The following HRH1 variants were observed in gnomAD, a reference collection of about 807,000 sequenced individuals.
HRH1 encodes the protein histamine receptor H1, also known as histamine H1 receptor.
In HRH1, 6 loss-of-function variants were observed where a neutral mutation model predicts 10.3. That is an observed-to-expected ratio of 0.58 (90% CI 0.32 to 1.15). The LOEUF (loss-of-function observed/expected upper bound fraction) is 1.15, where lower values mean the gene tolerates loss of function less well. Among genes scored for constraint, HRH1 ranks in the 50% most tolerant of loss-of-function variants. The pLI is 0.05. For synonymous variants in HRH1, 242 were observed against 236.7 expected, an observed-to-expected ratio of 1.02 and a Z score of -0.21; for missense variants, 514 against 615.3, an observed-to-expected ratio of 0.84 and a Z score of 1.74.
intron 1 of HRH1, among the ~76,000 whole-genome samples, chr3:11,216,310 C>T (rs1019345439): frequency 6.6e-6 from 1 of 152,128 alleles, no homozygotes; most frequent in African/African-American, 2.4e-5. Flanking sequence ...CTTGAAGAGA[C>T]GTCTATATAC....
At chr3:11,203,812 G>A (rs546897459) in intron 1 of HRH1, among the ~76,000 whole-genome samples, 3 of 152,112 alleles carry the variant, frequency 2.0e-5, no homozygotes, top group Non-Finnish European at 4.4e-5. Flanking sequence ...CCTCAATATT[G>A]TGTTGGTTAT....
At position 11,239,703 on chromosome 3, in the gene HRH1, G is replaced by A. The variant is rs74481780; in HGVS notation, c.-35-19300G>A. On this transcript the variant is annotated intron_variant, in intron 1 of 1. Transcript: ENST00000431010. ...ATTCATCCTTCTGCTGGTAGATCTC[G>A]GTTGTTCCAGCATATGAATTATTGC... Among the ~76,000 whole-genome samples the A allele has an allele frequency of 6.7e-3, 1,022 of 152,020 alleles. 5 individuals are homozygous for A. Among genetic ancestry groups the A allele is most frequent in the East Asian group, 0.038 (195 of 5,164 alleles).
chr3:11,180,005 C>G (rs774466980), intron 1 of HRH1, among the ~76,000 whole-genome samples: 1 of 152,116 alleles, frequency 6.6e-6, no homozygotes, highest in Non-Finnish European at 1.5e-5. Context: ...TCAAGCAATC[C>G]TCCTGCCTTG....
At chr3:11,192,446 G>A (rs1286833007) in intron 1 of HRH1, among the ~76,000 whole-genome samples, 1 of 152,184 alleles carries the variant, frequency 6.6e-6, no homozygotes, top group East Asian at 1.9e-4. Flanking sequence ...ATTCCACAGT[G>A]TAAATACACA....
intron 1 of HRH1, among the ~76,000 whole-genome samples, chr3:11,156,217 C>A (rs1936790182): frequency 6.6e-6 from 1 of 152,140 alleles, no homozygotes; most frequent in African/African-American, 2.4e-5. Flanking sequence ...GCAGGGGATG[C>A]CTGGCATTGT....
chr3:11,177,621 T>A (rs1242346876), intron 1 of HRH1, among the ~76,000 whole-genome samples: 3 of 152,202 alleles, frequency 2.0e-5, no homozygotes, highest in Non-Finnish European at 4.4e-5. Context: ...CCCTGCTAGA[T>A]GCTGAGCTCC....
At chr3:11,197,287 G>T (rs551306415) in intron 1 of HRH1, among the ~76,000 whole-genome samples, 1 of 152,194 alleles carries the variant, frequency 6.6e-6, no homozygotes, top group African/African-American at 2.4e-5. Flanking sequence ...GATTTCTTTC[G>T]ATTTATAATT....
rs189376051 is a variant in HRH1, at chr3:11,259,236, G to A, written c.199G>A (p.Val67Ile). The A allele has an allele frequency of 1.3e-5, 21 of 1,613,656 alleles. No individual in the cohort carries two copies. In the African/African-American group the frequency reaches 1.3e-4, roughly 10 times the overall value. The change falls in exon 2 of 2, where the codon GTC (valine) becomes ATC (isoleucine). Residue 67 changes from valine (V) to isoleucine (I), a missense_variant. Transcript: ENST00000431010. The surrounding 1 kb of genome is among the most constrained non-coding windows in gnomAD (Gnocchi z 4.6). The stretch of plus-strand genomic sequence containing the variant: ...CCACACTGTGGGGAACCTGTACATC[G>A]TCAGCCTCTCGGTGGCGGACTTGAT... The part of the protein sequence containing the change: ...KLHTVGNLYI[V>I]SLSVADLIVG...
upstream of HRH1, among the ~76,000 whole-genome samples, chr3:11,151,953 T>G (rs576492500): frequency 7.2e-5 from 11 of 152,184 alleles, no homozygotes; most frequent in Non-Finnish European, 1.5e-4. Flanking sequence ...TCTCATTGCC[T>G]TCAGTCTCTA....
Position 11,154,917 on chromosome 3 carries a change from C to T in HRH1, c.-36+363C>T, listed in dbSNP as rs1300496511. 1.3e-5 allele frequency among the ~76,000 whole-genome samples: 2 copies of T among 152,222 alleles called. No individual in the cohort carries two copies. The highest frequency in any genetic ancestry group is 2.9e-5 in the Non-Finnish European group (2 of 68,036). On this transcript the variant is annotated intron_variant, in intron 1 of 1. Coordinates refer to ENST00000431010, the MANE Select transcript of HRH1 (RefSeq NM_001098212.2). The surrounding 1 kb of genome is among the most constrained non-coding windows in gnomAD (Gnocchi z 4.4). ...TGAGCCTCCCCAGGGTCTGAGTTCG[C>T]TGCTAACCGTAGTGCCAGCCCATTG...
At chr3:11,179,348 C>T (rs988931476) in intron 1 of HRH1, among the ~76,000 whole-genome samples, 4 of 151,520 alleles carry the variant, frequency 2.6e-5, no homozygotes, top group Non-Finnish European at 4.4e-5. Context: ...GGGCCGGGCG[C>T]GGTGGCTCAC....
At chr3:11,246,113 T>C (rs1939478351) in intron 1 of HRH1, among the ~76,000 whole-genome samples, 1 of 151,214 alleles carries the variant, frequency 6.6e-6, no homozygotes, top group African/African-American at 2.4e-5. Context: ...CAAACACACA[T>C]GCACATACAC....
chr3:11,178,412 G>A (rs1937287944), intron 1 of HRH1, among the ~76,000 whole-genome samples: 1 of 152,240 alleles, frequency 6.6e-6, no homozygotes, highest in Admixed American at 6.5e-5. Flanking sequence ...GCCTGGAGGT[G>A]ACAGTGTTAG....
Position 11,259,924 on chromosome 3 carries a change from A to C in HRH1, c.887A>C (p.Glu296Ala). The C allele has an allele frequency of 6.2e-7, 1 of 1,614,198 alleles. No individual in the cohort carries two copies. ...GTCTTCAGCCAAGAGGATGATAGAG[A>C]AGTAGACAAACTCTACTGCTTTCCA... Reference protein sequence around the residue: ...PVVFSQEDDREVDKLYCFPLD... With the variant: ...PVVFSQEDDRAVDKLYCFPLD... The change falls in exon 2 of 2, where the codon GAA becomes GCA. Residue 296 changes from glutamate (E) to alanine (A), a missense_variant. Glu to Ala is a moderately radical substitution (Grantham distance 107). Coordinates refer to ENST00000431010, the MANE Select transcript of HRH1 (RefSeq NM_001098212.2). This position sits in a 1 kb window ranked among gnomAD's most constrained non-coding sequence, Gnocchi z 4.6.
At position 11,217,777 on chromosome 3, in the gene HRH1, G is replaced by A. The variant is rs77795773; in HGVS notation, c.-35-41226G>A. Among the ~76,000 whole-genome samples, 76 of 152,234 alleles carry A rather than the reference G, an allele frequency of 5.0e-4. No individual in the cohort carries two copies. In the East Asian group the frequency reaches 0.014, roughly 28 times the overall value. ...TTAAGAGAACAGAGGAATAGATATA[G>A]GTATTAAGTATAACAGCTGCTAAGA... On this transcript the variant is annotated intron_variant, in intron 1 of 1. Coordinates refer to ENST00000431010, the MANE Select transcript of HRH1 (RefSeq NM_001098212.2).
chr3:11,236,346 T>C (rs1223142875), intron 1 of HRH1, among the ~76,000 whole-genome samples: 2 of 152,208 alleles, frequency 1.3e-5, no homozygotes, highest in Non-Finnish European at 2.9e-5. Context: ...GGAGAATCAC[T>C]TGAACCAAGG....
chr3:11,148,691 C>T (rs1218267761), intron 1 of HRH1, among the ~76,000 whole-genome samples: 1 of 152,156 alleles, frequency 6.6e-6, no homozygotes, highest in African/African-American at 2.4e-5. Context: ...CAACACTTCC[C>T]CTCAGATCTC....
In HRH1 at chr3:11,213,190, G is replaced by A. The variant is rs1002404053; in HGVS notation, c.-35-45813G>A. Reference sequence around the variant, plus strand: ...TCCGCTAGAATGGTAGCTCCTTGTGGACGAGCACTTTGACTTGATTACTGT... The same window carrying A: ...TCCGCTAGAATGGTAGCTCCTTGTGAACGAGCACTTTGACTTGATTACTGT... On this transcript the variant is annotated intron_variant, in intron 1 of 1. Coordinates refer to ENST00000431010, the MANE Select transcript of HRH1 (RefSeq NM_001098212.2). 2.6e-5 allele frequency among the ~76,000 whole-genome samples: 4 copies of A among 152,194 alleles called. 1 individual carries two copies. The highest frequency in any genetic ancestry group is 5.9e-5 in the Non-Finnish European group (4 of 68,040).
At chr3:11,191,423 T>C (rs1398904090) in intron 1 of HRH1, among the ~76,000 whole-genome samples, 3 of 152,182 alleles carry the variant, frequency 2.0e-5, no homozygotes, top group Non-Finnish European at 4.4e-5. Context: ...CCTCTTCCCA[T>C]AGCACCAAAG....
Sources: gnomAD v4.1 joint callset for allele counts (sites outside exome capture counted in the v4.1 genomes callset) on GRCh38, gnomAD v4.1.1 for gene constraint, Gnocchi (gnomAD v3.1) non-coding constraint, MANE v1.5 for transcripts, NCBI Gene and HGNC (gene_info 2026-07-23, HGNC 2026-07-21) for gene names.